Variants in ATP6V1C2 observed in about 807,000 individuals in gnomAD.
The protein encoded by ATP6V1C2 is ATPase H+ transporting V1 subunit C2.
A neutral mutation model predicts 56.8 loss-of-function variants in ATP6V1C2; 45 were observed. That is an observed-to-expected ratio of 0.79 (90% CI 0.62 to 1.02). The LOEUF is 1.02. ATP6V1C2 is among the 50% of genes least tolerant of loss of function. The probability of loss-of-function intolerance (pLI) is 0.00; values close to 1 mark genes in which losing one functional copy is unlikely to be tolerated. For synonymous variants in ATP6V1C2, 220 were observed against 201.3 expected, an observed-to-expected ratio of 1.09 and a Z score of -0.79; for missense variants, 463 against 519.7, an observed-to-expected ratio of 0.89 and a Z score of 1.06.
chr2:10,776,426 T>TGG (rs1276196242), intron 10 of ATP6V1C2, among the ~76,000 whole-genome samples: 2 of 152,238 alleles, frequency 1.3e-5, no homozygotes, highest in Non-Finnish European at 2.9e-5. Flanking sequence ...GAGCTGGAGC[T>TGG]GGGGACCCCC....
At position 10,774,963 on chromosome 2, in the gene ATP6V1C2, T is replaced by A. The variant is rs765281681; in HGVS notation, c.732-15T>A. On this transcript the variant is annotated splice_polypyrimidine_tract_variant and intron_variant, in intron 9 of 13. Transcript: ENST00000272238. ...AAAGCTTCTGAGTGAAAACCCATGA[T>A]TTGCTTGTTTTAAGGTTCACTGTTC... is the stretch of plus-strand genomic sequence containing the variant. The A allele has an allele frequency of 1.2e-6, 2 of 1,613,126 alleles. No homozygotes were observed. The highest frequency in any genetic ancestry group is 2.2e-5 in the South Asian group (2 of 91,056).
rs1172721763 is a variant in ATP6V1C2 at position 10,771,897 on chromosome 2, G to C, written c.529G>C (p.Asp177His). 20 of 1,614,076 alleles carry C rather than the reference G, an allele frequency of 1.2e-5. No individual in the cohort carries two copies. Among genetic ancestry groups the C allele is most frequent in the Admixed American group, 1.7e-5 (1 of 60,006 alleles). ...DIVSKEDFVL[D>H]SEYLVTLLVI... Reference sequence around the variant, plus strand: ...TGTGAGCAAAGAGGACTTCGTGCTGGATTCTGAATATCTCGTCACACTTCT... The same window carrying C: ...TGTGAGCAAAGAGGACTTCGTGCTGCATTCTGAATATCTCGTCACACTTCT... Residue 177 changes from aspartate (D) to histidine (H), a missense_variant, in exon 7 of 14, where the codon GAT becomes CAT. Physicochemically the swap from Asp to His is moderately conservative, Grantham distance 81. Transcript: ENST00000272238.
chr2:10,725,842 G>A (rs1355456494), intron 2 of ATP6V1C2, among the ~76,000 whole-genome samples: 3 of 151,816 alleles, frequency 2.0e-5, no homozygotes, highest in Non-Finnish European at 4.4e-5. Context: ...CACTTTGGGA[G>A]GCCAAGGCAG....
rs1200841503 is a variant in ATP6V1C2 at position 10,752,758 on chromosome 2, G to C, written c.198-1223G>C. Reference sequence around the variant, plus strand: ...CACCTGTAATCCCAGCACTTTGGGAGGCCAAGGCAGGTGGATCACTTGAGG... The same window carrying C: ...CACCTGTAATCCCAGCACTTTGGGACGCCAAGGCAGGTGGATCACTTGAGG... On this transcript the variant is annotated intron_variant, in intron 3 of 13. Coordinates refer to ENST00000272238, the MANE Select transcript of ATP6V1C2 (RefSeq NM_001039362.2). Among the ~76,000 whole-genome samples the C allele has an allele frequency of 5.9e-5, 9 of 152,266 alleles. No individual in the cohort carries two copies. The East Asian group carries it at 1.7e-3, about 29-fold the overall frequency.
In ATP6V1C2 at chr2:10,762,362, T is replaced by C. The variant is rs140785098; in HGVS notation, c.284-1969T>C. Among the ~76,000 whole-genome samples, 252 of 152,112 alleles carry C rather than the reference T, an allele frequency of 1.7e-3. 3 individuals are homozygous for C. The highest frequency in any genetic ancestry group is 5.3e-3 in the African/African-American group (218 of 41,490). ...GGTTTCACCATGTTGGCCAGGCTGG[T>C]CTCAAACTCCTGACCTCGTGATCCA... is the stretch of plus-strand genomic sequence containing the variant. On this transcript the variant is annotated intron_variant, in intron 4 of 13. Transcript: ENST00000272238.
chr2:10,738,543 G>A (rs769426702), intron 3 of ATP6V1C2, among the ~76,000 whole-genome samples: 3 of 152,126 alleles, frequency 2.0e-5, no homozygotes, highest in South Asian at 2.1e-4. Context: ...AGGGACCCAC[G>A]GCTCCATTGT....
At chr2:10,764,285 T>C in intron 4 of ATP6V1C2, 46 bp from the exon 5 acceptor site, 1 of 1,493,470 alleles carries the variant, frequency 6.7e-7, no homozygotes, top group Non-Finnish European at 9.3e-7. Flanking sequence ...CAATCATGGA[T>C]GCAGAGCGCA....
At chr2:10,778,965 C>G (rs1388762794) in intron 12 of ATP6V1C2, among the ~76,000 whole-genome samples, 1 of 152,224 alleles carries the variant, frequency 6.6e-6, no homozygotes, top group Non-Finnish European at 1.5e-5. Context: ...CTGTCCCCAC[C>G]CTCGTGAAGC....
chr2:10,744,004 T>TA (rs1370184917), intron 3 of ATP6V1C2, among the ~76,000 whole-genome samples: 256 of 144,200 alleles, frequency 1.8e-3, no homozygotes, highest in South Asian at 1.7e-3. Flanking sequence ...AAAATAATAA[T>TA]AATAAATAAA....
Position 10,774,801 on chromosome 2 carries a change from G to C in ATP6V1C2, c.652G>C (p.Asp218His). 6.2e-7 allele frequency: 1 copy of C among 1,614,114 alleles called. No homozygotes were observed. The highest frequency in any genetic ancestry group is 1.1e-5 in the South Asian group (1 of 91,082). ...TCTCTCCAACAGACTCATTACTGAG[G>C]ACAAGGAAGGGGGCCTTTTCACTGT... ...VPRSTKLITEDKEGGLFTVTL... is the reference protein window; with the variant it reads ...VPRSTKLITEHKEGGLFTVTL... The change falls in exon 9 of 14, where the codon GAC becomes CAC. Residue 218 changes from aspartate to histidine, a missense_variant. Transcript: ENST00000272238.
chr2:10,770,798 TTTC>T (rs1465486006), intron 6 of ATP6V1C2, among the ~76,000 whole-genome samples: 2 of 152,356 alleles, frequency 1.3e-5, no homozygotes, highest in African/African-American at 4.8e-5. Flanking sequence ...TGCGCTCTCT[TTTC>T]TTCTTTGTAC....
chr2:10,769,095 T>C (rs1485505613), intron 6 of ATP6V1C2, among the ~76,000 whole-genome samples: 1 of 152,246 alleles, frequency 6.6e-6, no homozygotes, highest in African/African-American at 2.4e-5. Flanking sequence ...GGCGCCTGGG[T>C]GCTGCCCCCA....
chr2:10,766,221 G>A (rs1016356106), intron 5 of ATP6V1C2, among the ~76,000 whole-genome samples: 3 of 152,138 alleles, frequency 2.0e-5, no homozygotes, highest in African/African-American at 7.2e-5. Flanking sequence ...CAGCAGCAGG[G>A]GCAGAGGCTC....
intron 2 of ATP6V1C2, 77 bp downstream of exon 2, chr2:10,723,055 C>T: frequency 6.4e-7 from 1 of 1,553,802 alleles, no homozygotes; most frequent in Non-Finnish European, 8.7e-7. Flanking sequence ...GTTGCTACCT[C>T]AGGAAGCCAA....
intron 5 of ATP6V1C2, chr2:10,768,042 C>G (rs1443227740): frequency 6.6e-6 from 1 of 152,206 alleles, no homozygotes; most frequent in Admixed American, 6.5e-5. Context: ...CGTCAGCAGC[C>G]GTGTGCTGGC....
intron 3 of ATP6V1C2, 147 bp downstream of exon 3, chr2:10,726,716 C>CAGACCCAGCACCCGCAGG: frequency 1.4e-6 from 1 of 725,216 alleles, no homozygotes; most frequent in Non-Finnish European, 2.4e-6. Context: ...AGTCCCCCTG[C>CAGACCCAGCACCCGCAGG]GGGTGCTGGG....
In ATP6V1C2 at chr2:10,784,548, C is replaced by G; in HGVS notation, c.*1285C>G. 2.1e-6 allele frequency: 1 copy of G among 485,092 alleles called. No homozygotes were observed. Among genetic ancestry groups the G allele is most frequent in the Non-Finnish European group, 3.5e-6 (1 of 283,432 alleles). 30.0% of individuals were successfully genotyped at this position (485,092 alleles called of 1,614,324 possible). A position where few individuals can be genotyped will look rare whatever the true frequency, so the allele number is the denominator to read the frequency against. ...AACATCACATCACTCACCATTTTAA[C>G]ACTGGAAGCCACTTGAACGTGTCCT... On this transcript the variant is annotated 3_prime_UTR_variant, in exon 14 of 14. Coordinates refer to ENST00000272238, the MANE Select transcript of ATP6V1C2 (RefSeq NM_001039362.2).
chr2:10,738,892 C>G (rs1422830031), intron 3 of ATP6V1C2, among the ~76,000 whole-genome samples: 1 of 152,176 alleles, frequency 6.6e-6, no homozygotes, highest in Non-Finnish European at 1.5e-5. Flanking sequence ...CCTGTGGGCT[C>G]CACCTCCAAA....
intron 4 of ATP6V1C2, among the ~76,000 whole-genome samples, chr2:10,756,164 C>A (rs1239527150): frequency 6.6e-6 from 1 of 152,030 alleles, no homozygotes; most frequent in Non-Finnish European, 1.5e-5. Context: ...CAAAACCAGC[C>A]CAGCCAACAT....
Sources: allele counts gnomAD v4.1 joint callset (sites outside exome capture counted in the v4.1 genomes callset), GRCh38; gene constraint gnomAD v4.1.1; transcripts MANE v1.5; gene names NCBI Gene and HGNC (gene_info 2026-07-23, HGNC 2026-07-21).